STOX2: variants seen among roughly 807,000 people sequenced by gnomAD.
STOX2 encodes the protein storkhead-box protein 2.
In STOX2, 28 loss-of-function variants were observed where a neutral mutation model predicts 60.9. The observed-to-expected ratio is 0.46, with a 90% CI of 0.34 to 0.63. The LOEUF (loss-of-function observed/expected upper bound fraction) is 0.63, where lower values mean the gene tolerates loss of function less well. Ranked by LOEUF, STOX2 falls within the 30% of genes least tolerant of loss-of-function variation. The pLI is 0.01. For synonymous variants in STOX2, 472 were observed against 463.9 expected, an observed-to-expected ratio of 1.02 and a Z score of -0.22; for missense variants, 1,024 against 1,187.7, an observed-to-expected ratio of 0.86 and a Z score of 2.03.
chr4:184,009,047 T>C lies in STOX2; in HGVS notation c.320-111T>C. 3.6e-6 allele frequency: 3 copies of C among 840,998 alleles called. No homozygotes were observed. Among genetic ancestry groups the C allele is most frequent in the South Asian group, 3.7e-5 (2 of 53,632 alleles). The allele number at this position is 840,998 out of a possible 1,614,324, so 52.1% of individuals were successfully genotyped here. ...ACACCTTTGTCTGAATTGTGCATCC[T>C]AGCTCTGTGATGGTACTTCGCATCT... On this transcript the variant is annotated intron_variant, in intron 2 of 3. Transcript: ENST00000308497. The surrounding 1 kb of genome is among the most constrained non-coding windows in gnomAD (Gnocchi z 4.0).
intron 2 of STOX2, among the ~76,000 whole-genome samples, chr4:184,005,247 G>A (rs1227027989): frequency 1.3e-5 from 2 of 152,058 alleles, no homozygotes; most frequent in East Asian, 3.9e-4. Flanking sequence ...ATCACTTGAG[G>A]CCAGGAGTTT....
intron 1 of STOX2, among the ~76,000 whole-genome samples, chr4:183,798,296 G>C (rs555985467): frequency 3.3e-5 from 5 of 151,166 alleles, no homozygotes; most frequent in African/African-American, 1.2e-4. Flanking sequence ...GCCTGCCCGC[G>C]GGAGCCTCCC....
chr4:183,940,423 G>A (rs1191347200), intron 1 of STOX2, among the ~76,000 whole-genome samples: 2 of 152,128 alleles, frequency 1.3e-5, no homozygotes, highest in East Asian at 1.9e-4. Flanking sequence ...AAATAAGCCC[G>A]GTTACTCCGG....
At chr4:183,809,431 G>A (rs1738986331) in intron 1 of STOX2, among the ~76,000 whole-genome samples, 1 of 151,836 alleles carries the variant, frequency 6.6e-6, no homozygotes, top group Non-Finnish European at 1.5e-5. Context: ...ACGGAGTCTT[G>A]CTCTGTCACC....
intron 1 of STOX2, among the ~76,000 whole-genome samples, chr4:183,979,484 C>T (rs1308535884): frequency 6.6e-5 from 10 of 152,108 alleles, no homozygotes; most frequent in Non-Finnish European, 1.5e-4. Flanking sequence ...TTAACCAGAT[C>T]AGTACTGTCC....
intron 1 of STOX2, among the ~76,000 whole-genome samples, chr4:183,991,199 C>T (rs1007453067): frequency 6.6e-6 from 1 of 152,194 alleles, no homozygotes; most frequent in African/African-American, 2.4e-5. Context: ...CATGTTTGCA[C>T]TCCCAGCCTG....
chr4:183,976,935 T>C (rs1480202479), intron 1 of STOX2, among the ~76,000 whole-genome samples: 1 of 152,238 alleles, frequency 6.6e-6, no homozygotes, highest in Admixed American at 6.5e-5. Context: ...ACCATATAGA[T>C]AATCCCAAGA....
intron 1 of STOX2, among the ~76,000 whole-genome samples, chr4:183,800,883 C>T (rs1738749265): frequency 1.3e-5 from 2 of 152,226 alleles, no homozygotes; most frequent in South Asian, 4.1e-4. Context: ...CATGATTTCA[C>T]ACAACCCAGA....
intron 1 of STOX2, among the ~76,000 whole-genome samples, chr4:183,834,788 G>T (rs1000563968): frequency 6.6e-6 from 1 of 152,182 alleles, no homozygotes; most frequent in African/African-American, 2.4e-5. Context: ...GCAATATTTA[G>T]CACTTACTCT....
At chr4:183,827,774 C>G (rs546951318) in intron 1 of STOX2, among the ~76,000 whole-genome samples, 1 of 150,334 alleles carries the variant, frequency 6.7e-6, no homozygotes, top group Non-Finnish European at 1.5e-5. Flanking sequence ...CCCAGCTGCT[C>G]GAGAGGCTGA....
At chr4:183,984,439 G>C (rs1399290642) in intron 1 of STOX2, among the ~76,000 whole-genome samples, 3 of 152,058 alleles carry the variant, frequency 2.0e-5, no homozygotes, top group Non-Finnish European at 2.9e-5. Flanking sequence ...AGCTTCTTGA[G>C]GGCAGACACC....
At chr4:183,860,444 A>AAAAC (rs1302342089) in intron 1 of STOX2, among the ~76,000 whole-genome samples, 4 of 137,172 alleles carry the variant, frequency 2.9e-5, no homozygotes, top group East Asian at 4.2e-4. Flanking sequence ...ACAAAAAACA[A>AAAAC]AAAAAAAAAA....
Position 184,001,473 on chromosome 4 carries a change from C to G in STOX2, c.315C>G (p.Phe105Leu), listed in dbSNP as rs767539854. Residue 105 changes from phenylalanine (F) to leucine (L), a missense_variant, in exon 2 of 4, where the codon TTC becomes TTG. Physicochemically the swap from Phe to Leu is conservative, Grantham distance 22. Coordinates refer to ENST00000308497, the MANE Select transcript of STOX2 (RefSeq NM_020225.3). This position sits in a 1 kb window ranked among gnomAD's most constrained non-coding sequence, Gnocchi z 4.2. ...EALMEHLTTCFPGVPTPSQEI... is the reference protein window; with the variant it reads ...EALMEHLTTCLPGVPTPSQEI... Reference sequence around the variant, plus strand: ...TGATGGAGCACCTGACCACGTGCTTCCCAGGTAACGAGGCGGGAACGTAGC... The same window carrying G: ...TGATGGAGCACCTGACCACGTGCTTGCCAGGTAACGAGGCGGGAACGTAGC... 5.6e-6 allele frequency: 9 copies of G among 1,613,504 alleles called. No individual in the cohort carries two copies. The African/African-American group carries it at 8.0e-5, about 14-fold the overall frequency.
chr4:183,982,638 C>G (rs988600314), intron 1 of STOX2, among the ~76,000 whole-genome samples: 1 of 152,200 alleles, frequency 6.6e-6, no homozygotes, highest in African/African-American at 2.4e-5. Context: ...AAATGTCAGG[C>G]TACTGCTATA....
chr4:183,886,613 A>T (rs935317437), intron 1 of STOX2, among the ~76,000 whole-genome samples: 1 of 152,230 alleles, frequency 6.6e-6, no homozygotes, highest in African/African-American at 2.4e-5. Context: ...AATGAAAGGC[A>T]GCCAGACTGG....
intron 1 of STOX2, among the ~76,000 whole-genome samples, chr4:183,888,593 C>T (rs1161516261): frequency 2.6e-5 from 4 of 152,132 alleles, no homozygotes; most frequent in East Asian, 1.9e-4. Flanking sequence ...GAGGCAGCAC[C>T]GCCTAATTGG....
In STOX2 at chr4:183,821,239, AG is replaced by A. The variant is rs1739297188; in HGVS notation, c.364+23186del. Among the ~76,000 whole-genome samples the A allele has an allele frequency of 6.6e-6, 1 of 152,236 alleles. No individual in the cohort carries two copies. Among genetic ancestry groups the A allele is most frequent in the African/African-American group, 2.4e-5 (1 of 41,466 alleles). On this transcript the variant is annotated intron_variant, in intron 1 of 2. Transcript: ENST00000513034. This position sits in a 1 kb window ranked among gnomAD's most constrained non-coding sequence, Gnocchi z 4.2. ...AATTTTGCTCTTGAATTGTACACAG[AG>A]GCTTGGTGAGAACCCTCCCTTGGCT...
intron 1 of STOX2, among the ~76,000 whole-genome samples, chr4:183,823,239 T>C (rs1739343256): frequency 6.6e-6 from 1 of 151,960 alleles, no homozygotes; most frequent in South Asian, 2.1e-4. Context: ...CTCCTAAAAA[T>C]ACAAAAATCA....
chr4:184,012,418 G>A lies in STOX2; in HGVS notation c.2585+995G>A, dbSNP rs558581573. On this transcript the variant is annotated intron_variant, in intron 3 of 3. Transcript: ENST00000308497. ...TATAATTTTAACATGGATTCAGATA[G>A]GATTATGTACTTCATATATTTAATT... 6.6e-5 allele frequency among the ~76,000 whole-genome samples: 10 copies of A among 152,154 alleles called. No homozygotes were observed. The South Asian group carries it at 2.1e-3, about 32-fold the overall frequency.
Sources: allele counts gnomAD v4.1 joint callset (sites outside exome capture counted in the v4.1 genomes callset), GRCh38; gene constraint gnomAD v4.1.1; non-coding constraint Gnocchi (gnomAD v3.1); transcripts MANE v1.5; gene names NCBI Gene and HGNC (gene_info 2026-07-23, HGNC 2026-07-21).